ZFR2: variants seen among roughly 807,000 people sequenced by gnomAD.
The protein encoded by ZFR2 is zinc finger RNA binding protein 2, also known as zinc finger RNA-binding protein 2.
Under a neutral mutation model 105.7 loss-of-function variants are expected in ZFR2, and 104 were observed. The ratio of observed to expected loss-of-function variants is 0.98; its 90% confidence interval spans 0.84 to 1.16. The LOEUF (loss-of-function observed/expected upper bound fraction) is 1.16. Among genes scored for constraint, ZFR2 ranks in the 50% most tolerant of loss-of-function variants. The pLI is 0.00. For missense variants in ZFR2, 1,425 were observed against 1,355.5 expected, an observed-to-expected ratio of 1.05 and a Z score of -0.80; for synonymous variants, 634 against 597.7, an observed-to-expected ratio of 1.06 and a Z score of -0.89.
chr19:3,823,978 T>C lies in ZFR2; in HGVS notation c.1214-575A>G, dbSNP rs2037923283. Among the ~76,000 whole-genome samples the C allele has an allele frequency of 6.6e-6, 1 of 152,114 alleles. No homozygotes were observed. The highest frequency in any genetic ancestry group is 1.5e-5 in the Non-Finnish European group (1 of 68,032). On this transcript the variant is annotated intron_variant, in intron 7 of 18. Transcript: ENST00000262961. This position sits in a 1 kb window ranked among gnomAD's most constrained non-coding sequence, Gnocchi z 5.4. ...CGTTTACGGCTTTTCCATCTACACATTGGGACTGGTGACAACATTGACTCA... is the reference window on the plus strand; with the variant it reads ...CGTTTACGGCTTTTCCATCTACACACTGGGACTGGTGACAACATTGACTCA...
intron 5 of ZFR2, among the ~76,000 whole-genome samples, chr19:3,828,495 C>T (rs979507575): frequency 2.6e-5 from 4 of 152,132 alleles, no homozygotes; most frequent in Non-Finnish European, 5.9e-5. Context: ...CGTCAGAAAC[C>T]AAGCAAGGGC....
chr19:3,846,347 G>A (rs1454644370), intron 1 of ZFR2, among the ~76,000 whole-genome samples: 3 of 152,184 alleles, frequency 2.0e-5, no homozygotes, highest in Non-Finnish European at 2.9e-5. Context: ...TAGGGAGGGT[G>A]GGCTAATTAA....
At chr19:3,820,780 A>C (rs1157978674) in intron 10 of ZFR2, among the ~76,000 whole-genome samples, 1 of 140,446 alleles carries the variant, frequency 7.1e-6, no homozygotes, top group Admixed American at 7.4e-5. Flanking sequence ...GAGGGACACC[A>C]GGGGTCAGGG....
At chr19:3,814,025 G>A in intron 13 of ZFR2, 67 bp from the exon 14 acceptor site, 1 of 1,591,284 alleles carries the variant, frequency 6.3e-7, no homozygotes, top group Non-Finnish European at 8.5e-7. Flanking sequence ...AATCAGCCAG[G>A]ATGTGGTTGG....
chr19:3,852,348 T>C, intron 1 of ZFR2: 3 of 640,964 alleles, frequency 4.7e-6, no homozygotes, highest in Non-Finnish European at 8.6e-6. Flanking sequence ...GTGGCTCTCC[T>C]GACCATGGCT....
At chr19:3,848,058 T>A (rs937344483) in intron 1 of ZFR2, among the ~76,000 whole-genome samples, 1 of 152,170 alleles carries the variant, frequency 6.6e-6, no homozygotes, top group Non-Finnish European at 1.5e-5. Flanking sequence ...GGCAGGGAAA[T>A]CCAAGTACGG....
intron 8 of ZFR2, among the ~76,000 whole-genome samples, chr19:3,822,434 T>C (rs1309110795): frequency 6.7e-6 from 1 of 149,808 alleles, no homozygotes; most frequent in Non-Finnish European, 1.5e-5. Context: ...CACCTCAGCC[T>C]CCCGAGTAGC....
Position 3,858,318 on chromosome 19 carries a change from G to A in ZFR2, c.53+10647C>T, listed in dbSNP as rs1568433722. ...GTGGGATCTGCAGATAGAGGCAGGT[G>A]GCGAAATGTCTTAGGGACAGCCAGG... On this transcript the variant is annotated intron_variant, in intron 1 of 18. Transcript: ENST00000262961. The surrounding 1 kb of genome is among the most constrained non-coding windows in gnomAD (Gnocchi z 4.3). 6.6e-6 allele frequency among the ~76,000 whole-genome samples: 1 copy of A among 152,140 alleles called. No individual in the cohort carries two copies. The highest frequency in any genetic ancestry group is 1.5e-5 in the Non-Finnish European group (1 of 68,020).
intron 17 of ZFR2, 50 bp downstream of exon 17, chr19:3,808,822 T>C: frequency 1.4e-6 from 2 of 1,453,750 alleles, no homozygotes; most frequent in Non-Finnish European, 1.8e-6. Context: ...CGGGCCCTGG[T>C]CTCTGCGATT....
Position 3,819,147 on chromosome 19 carries a change from A to C in ZFR2, c.1829T>G (p.Val610Gly). The change falls in exon 12 of 19, where the codon GTG (valine) becomes GGG (glycine). Residue 610 changes from valine to glycine, a missense_variant. Val to Gly is a moderately radical substitution (Grantham distance 109). Transcript: ENST00000262961. ...IYPTEQELLA[V>G]QRAVSHAERA... Reference sequence around the variant, plus strand: ...CTCTGCGTGGGACACGGCCCTCTGCACGGCCAGGAGCTCCTGCTCCGTGGG... The same window carrying C: ...CTCTGCGTGGGACACGGCCCTCTGCCCGGCCAGGAGCTCCTGCTCCGTGGG... 6.2e-7 allele frequency: 1 copy of C among 1,608,628 alleles called. No individual in the cohort carries two copies. Among genetic ancestry groups the C allele is most frequent in the Non-Finnish European group, 8.5e-7 (1 of 1,179,130 alleles).
intron 1 of ZFR2, among the ~76,000 whole-genome samples, chr19:3,839,536 C>CAAAAAAAAAAAAAAA (rs60712587): frequency 5.5e-5 from 2 of 36,590 alleles, no homozygotes; most frequent in Non-Finnish European, 1.0e-4. Context: ...GGGATTCTGT[C>CAAAAAAAAAAAAAAA]AAAAAAAAAA....
intron 1 of ZFR2, among the ~76,000 whole-genome samples, chr19:3,850,712 T>C (rs953857196): frequency 1.4e-4 from 17 of 123,932 alleles, no homozygotes; most frequent in African/African-American, 4.9e-4. Context: ...TGGGATCCCA[T>C]CTCTACAGAA....
rs1373290974 is a variant in ZFR2, at chr19:3,858,793, G to A, written c.53+10172C>T. On this transcript the variant is annotated intron_variant, in intron 1 of 18. Coordinates refer to ENST00000262961, the MANE Select transcript of ZFR2 (RefSeq NM_015174.2). This position sits in a 1 kb window ranked among gnomAD's most constrained non-coding sequence, Gnocchi z 4.3. ...AGATTGCACCACTGTACTCCAGCCT[G>A]GGCGACAGAGTGAGACTCCGTCTCA... Among the ~76,000 whole-genome samples the A allele has an allele frequency of 1.3e-5, 2 of 152,186 alleles. No homozygotes were observed. Among genetic ancestry groups the A allele is most frequent in the Admixed American group, 6.5e-5 (1 of 15,280 alleles).
chr19:3,808,784 G>A, intron 17 of ZFR2, 88 bp downstream of exon 17: 1 of 1,107,512 alleles, frequency 9.0e-7, no homozygotes, highest in Non-Finnish European at 1.3e-6. Flanking sequence ...CTCTGTGTCT[G>A]TGACCCCAGC....
chr19:3,813,742 T>C lies in ZFR2; in HGVS notation c.2242+78A>G. 6.3e-7 allele frequency: 1 copy of C among 1,575,908 alleles called. No individual in the cohort carries two copies. Among genetic ancestry groups the C allele is most frequent in the Middle Eastern group, 2.1e-4 (1 of 4,776 alleles). Reference sequence around the variant, plus strand: ...TCCTGCTCAGGGCAGAGGCGGACGCTGCCCCAGGCCTGGGTGTGGGGAGCG... The same window carrying C: ...TCCTGCTCAGGGCAGAGGCGGACGCCGCCCCAGGCCTGGGTGTGGGGAGCG... On this transcript the variant is annotated intron_variant, in intron 14 of 18. Transcript: ENST00000262961. The surrounding 1 kb of genome is among the most constrained non-coding windows in gnomAD (Gnocchi z 4.4).
chr19:3,811,459 G>T, intron 14 of ZFR2, 93 bp from the exon 15 acceptor site: 2 of 1,014,250 alleles, frequency 2.0e-6, no homozygotes, highest in Non-Finnish European at 2.8e-6. Flanking sequence ...GCCCCTCGAC[G>T]CTTTTTTTTT....
In ZFR2 at chr19:3,837,987, A is replaced by G. The variant is rs143898246; in HGVS notation, c.54-3004T>C. ...GACAATCAATGGACACCATGACTGT[A>G]ACACACGATGAATGTGACTGTGACA... On this transcript the variant is annotated intron_variant, in intron 1 of 18. Transcript: ENST00000262961. 9.9e-3 allele frequency among the ~76,000 whole-genome samples: 1,498 copies of G among 151,956 alleles called. 29 individuals carry two copies. The highest frequency in any genetic ancestry group is 0.034 in the African/African-American group (1,423 of 41,452).
intron 1 of ZFR2, among the ~76,000 whole-genome samples, chr19:3,848,394 A>G (rs917956721): frequency 3.1e-4 from 47 of 151,806 alleles, no homozygotes; most frequent in African/African-American, 1.1e-3. Flanking sequence ...GCTGGGCAAT[A>G]AGAGCGAAAC....
At chr19:3,811,458 C>T (rs1331127636) in intron 14 of ZFR2, 92 bp from the exon 15 acceptor site, 4 of 1,068,976 alleles carry the variant, frequency 3.7e-6, no homozygotes, top group East Asian at 3.0e-5. Flanking sequence ...GGCCCCTCGA[C>T]GCTTTTTTTT....
Sources: allele counts gnomAD v4.1 joint callset (sites outside exome capture counted in the v4.1 genomes callset), GRCh38; gene constraint gnomAD v4.1.1; non-coding constraint Gnocchi (gnomAD v3.1); transcripts MANE v1.5; gene names NCBI Gene and HGNC (gene_info 2026-07-23, HGNC 2026-07-21).